Variants in PCDHGA2 observed in about 807,000 individuals in gnomAD.
The protein encoded by PCDHGA2 is protocadherin gamma subfamily A, 2.
A neutral mutation model predicts 59.2 loss-of-function variants in PCDHGA2; 40 were observed. That is an observed-to-expected ratio of 0.68 (90% CI 0.52 to 0.88). The LOEUF (loss-of-function observed/expected upper bound fraction) is 0.88, where lower values mean the gene tolerates loss of function less well. Ranked by LOEUF, PCDHGA2 falls within the 40% of genes least tolerant of loss-of-function variation. The pLI is 0.00. For missense variants in PCDHGA2, 1,226 were observed against 1,204.0 expected (o/e 1.02, Z -0.27); for synonymous variants, 560 against 526.0 (o/e 1.06, Z -0.89).
intron 1 of PCDHGA2, chr5:141,355,278 C>T (rs1759782758): frequency 6.2e-7 from 1 of 1,613,742 alleles, no homozygotes; most frequent in Non-Finnish European, 8.5e-7. Context: ...TGGTGGAAAT[C>T]AGGGCCGAAC....
intron 1 of PCDHGA2, chr5:141,418,919 G>C: frequency 6.2e-7 from 1 of 1,614,016 alleles, no homozygotes. Flanking sequence ...GTCACTCTCT[G>C]ATCAGATTAT....
chr5:141,485,930 G>A lies in PCDHGA2; in HGVS notation c.2425-8877G>A. ...ATCCAGCTACAGGATTAGTGTGTTG[G>A]AGAGCGCACCAGCGGGCATGGTGCT... On this transcript the variant is annotated intron_variant, in intron 1 of 3. Transcript: ENST00000394576. This position sits in a 1 kb window ranked among gnomAD's most constrained non-coding sequence, Gnocchi z 5.7. The A allele has an allele frequency of 6.2e-7, 1 of 1,614,178 alleles. No homozygotes were observed. Among genetic ancestry groups the A allele is most frequent in the Non-Finnish European group, 8.5e-7 (1 of 1,180,042 alleles).
At chr5:141,481,607 C>A (rs2099540195) in intron 1 of PCDHGA2, among the ~76,000 whole-genome samples, 1 of 152,158 alleles carries the variant, frequency 6.6e-6, no homozygotes, top group Admixed American at 6.5e-5. Flanking sequence ...CACCTGAGGC[C>A]AGGAGTTCAA....
At chr5:141,478,417 C>G in intron 1 of PCDHGA2, 1 of 1,613,652 alleles carries the variant, frequency 6.2e-7, no homozygotes, top group Non-Finnish European at 8.5e-7. Context: ...CGGACTCCCG[C>G]CGCAGCGACC....
rs563283218 is a variant in PCDHGA2, at chr5:141,431,573, G to A, written c.2425-63234G>A. On this transcript the variant is annotated intron_variant, in intron 1 of 3. Coordinates refer to ENST00000394576, the MANE Select transcript of PCDHGA2 (RefSeq NM_018915.4). This position sits in a 1 kb window ranked among gnomAD's most constrained non-coding sequence, Gnocchi z 4.8. ...AGTCAACGCTACCGACCCTGACGAA[G>A]GAGTCAATGCGGAAGTGAGGTATTC... 5.6e-6 allele frequency: 9 copies of A among 1,614,186 alleles called. No homozygotes were observed. The South Asian group carries it at 8.8e-5, about 16-fold the overall frequency.
Position 141,421,691 on chromosome 5 carries a change from T to A in PCDHGA2, c.2425-73116T>A, listed in dbSNP as rs1175919580. ...GCAATTCCTGGGGCGCGATTTGCTC[T>A]TCCTAATGCTAGGGATCCAGATGTG... On this transcript the variant is annotated intron_variant, in intron 1 of 3. Coordinates refer to ENST00000394576, the MANE Select transcript of PCDHGA2 (RefSeq NM_018915.4). 6.2e-7 allele frequency: 1 copy of A among 1,613,816 alleles called. No individual in the cohort carries two copies. The highest frequency in any genetic ancestry group is 1.3e-5 in the African/African-American group (1 of 74,938).
intron 1 of PCDHGA2, chr5:141,402,902 G>GA: frequency 6.6e-7 from 1 of 1,522,022 alleles, no homozygotes; most frequent in Non-Finnish European, 8.8e-7. Flanking sequence ...AGAACCTGAT[G>GA]AAGCAGCGCG....
intron 1 of PCDHGA2, chr5:141,375,049 G>C (rs1176998287): frequency 1.2e-6 from 2 of 1,614,010 alleles, no homozygotes; most frequent in Non-Finnish European, 1.7e-6. Context: ...TTGAAGCCCG[G>C]GATGGGCCAG....
rs1271916110 is a variant in PCDHGA2, at chr5:141,394,787, C to T, written c.2424+53392C>T. 11 of 1,613,632 alleles carry T rather than the reference C, an allele frequency of 6.8e-6. 1 individual carries two copies. The highest frequency in any genetic ancestry group is 9.3e-6 in the Non-Finnish European group (11 of 1,180,016). On this transcript the variant is annotated intron_variant, in intron 1 of 3. Transcript: ENST00000394576. ...GCCAGCCCCCTCTCTCCGCCACTGT[C>T]ACGCTCACCGTAGCCGTGGCTGACA... is the stretch of plus-strand genomic sequence containing the variant.
At position 141,491,794 on chromosome 5, in the gene PCDHGA2, TC is replaced by T; in HGVS notation, c.2425-3011del. On this transcript the variant is annotated intron_variant, in intron 1 of 3. Transcript: ENST00000394576. This position sits in a 1 kb window ranked among gnomAD's most constrained non-coding sequence, Gnocchi z 6.9. ...GGGATTGAACTTGCATCCACTCCTC[TC>T]CGGCCGGCTTGGTCGCTGGCTGCGC... is the stretch of plus-strand genomic sequence containing the variant. The T allele has an allele frequency of 6.6e-7, 1 of 1,511,056 alleles. No individual in the cohort carries two copies. The highest frequency in any genetic ancestry group is 8.8e-7 in the Non-Finnish European group (1 of 1,130,146). The allele number at this position is 1,511,056 out of a possible 1,614,324, so 93.6% of individuals were successfully genotyped here.
At chr5:141,358,687 A>G (rs1760991810) in intron 1 of PCDHGA2, among the ~76,000 whole-genome samples, 1 of 152,206 alleles carries the variant, frequency 6.6e-6, no homozygotes, top group African/African-American at 2.4e-5. Flanking sequence ...GCTTATCATG[A>G]CATCACTATT....
Position 141,340,253 on chromosome 5 carries a change from G to A in PCDHGA2, c.1282G>A (p.Gly428Arg), listed in dbSNP as rs1756923458. ...YNITLTAKDG[G>R]NPSLSTDAHI... ...CATCACTCTAACCGCTAAAGATGGA[G>A]GGAACCCCTCCCTGTCCACGGATGC... Residue 428 changes from glycine to arginine, a missense_variant, in exon 1 of 4, where the codon GGG becomes AGG. By Grantham distance (125) the Gly-to-Arg change is moderately radical. Coordinates refer to ENST00000394576, the MANE Select transcript of PCDHGA2 (RefSeq NM_018915.4). 1.2e-6 allele frequency: 2 copies of A among 1,614,022 alleles called. No homozygotes were observed. The highest frequency in any genetic ancestry group is 2.7e-5 in the African/African-American group (2 of 74,918).
At position 141,366,840 on chromosome 5, in the gene PCDHGA2, T is replaced by C. The variant is rs1006582691; in HGVS notation, c.2424+25445T>C. Reference sequence around the variant, plus strand: ...TGTCATATTCAGAATCAGCTAGTTATGTAAATAGTGGAACATTATTTGCTG... The same window carrying C: ...TGTCATATTCAGAATCAGCTAGTTACGTAAATAGTGGAACATTATTTGCTG... On this transcript the variant is annotated intron_variant, in intron 1 of 3. Coordinates refer to ENST00000394576, the MANE Select transcript of PCDHGA2 (RefSeq NM_018915.4). The C allele has an allele frequency of 1.2e-5, 18 of 1,493,738 alleles. No homozygotes were observed. The East Asian group carries it at 1.4e-4, about 11-fold the overall frequency. 92.5% of individuals were successfully genotyped at this position (1,493,738 alleles called of 1,614,324 possible). A position where few individuals can be genotyped will look rare whatever the true frequency, so the allele number is the denominator to read the frequency against.
intron 1 of PCDHGA2, among the ~76,000 whole-genome samples, chr5:141,447,983 G>A (rs1311439824): frequency 6.6e-6 from 1 of 151,972 alleles, no homozygotes; most frequent in Non-Finnish European, 1.5e-5. Context: ...CTACTCGGGA[G>A]GCTGAGGCAT....
chr5:141,355,068 T>C lies in PCDHGA2; in HGVS notation c.2424+13673T>C, dbSNP rs544204227. ...ACAAAGCACTGGCTCTGGAGCTTTA[T>C]GAAAGCTTCAAGCGGAAGCCCTGAG... On this transcript the variant is annotated intron_variant, in intron 1 of 3. Transcript: ENST00000394576. 115 of 1,333,900 alleles carry C rather than the reference T, an allele frequency of 8.6e-5. 2 individuals carry two copies. The South Asian group carries it at 1.7e-3, about 20-fold the overall frequency. The allele number at this position is 1,333,900 out of a possible 1,614,324, so 82.6% of individuals were successfully genotyped here.
intron 1 of PCDHGA2, chr5:141,428,040 G>A: frequency 6.2e-7 from 1 of 1,608,668 alleles, no homozygotes; most frequent in Non-Finnish European, 8.5e-7. Flanking sequence ...CGGCTACCTG[G>A]TGACCAAGGT....
chr5:141,361,101 A>T (rs1561522618), intron 1 of PCDHGA2: 1 of 1,614,014 alleles, frequency 6.2e-7, no homozygotes, highest in Non-Finnish European at 8.5e-7. Context: ...TCGAAGCAAA[A>T]GATCCTGGAG....
At position 141,360,574 on chromosome 5, in the gene PCDHGA2, A is replaced by G. The variant is rs1761656122; in HGVS notation, c.2424+19179A>G. 3 of 1,613,862 alleles carry G rather than the reference A, an allele frequency of 1.9e-6. No homozygotes were observed. In the African/African-American group the frequency reaches 4.0e-5, roughly 22 times the overall value. ...TAATTTAAAAATTGGCGAATCCACT[A>G]AGCCAGGTACAACATTTCCACTTGA... On this transcript the variant is annotated intron_variant, in intron 1 of 3. Transcript: ENST00000394576.
chr5:141,432,416 C>T lies in PCDHGA2; in HGVS notation c.2425-62391C>T. 4 of 1,614,258 alleles carry T rather than the reference C, an allele frequency of 2.5e-6. No individual in the cohort carries two copies. Among genetic ancestry groups the T allele is most frequent in the Non-Finnish European group, 3.4e-6 (4 of 1,180,048 alleles). ...CAACGTGTCGTTGAGCCTGTTCGTG[C>T]TGGACCAGAACGACAATGCGCCCGA... On this transcript the variant is annotated intron_variant, in intron 1 of 3. Coordinates refer to ENST00000394576, the MANE Select transcript of PCDHGA2 (RefSeq NM_018915.4). The surrounding 1 kb of genome is among the most constrained non-coding windows in gnomAD (Gnocchi z 6.0).
Sources: allele counts gnomAD v4.1 joint callset (sites outside exome capture counted in the v4.1 genomes callset), GRCh38; gene constraint gnomAD v4.1.1; non-coding constraint Gnocchi (gnomAD v3.1); transcripts MANE v1.5; gene names NCBI Gene and HGNC (gene_info 2026-07-23, HGNC 2026-07-21).